Variants in ZNF827 observed in about 807,000 individuals in gnomAD.
The protein encoded by ZNF827 is zinc finger protein 827.
A neutral mutation model predicts 102.4 loss-of-function variants in ZNF827; 13 were observed. The observed-to-expected ratio is 0.13, with a 90% CI of 0.08 to 0.20. ZNF827 has a LOEUF of 0.20. Ranked by LOEUF, ZNF827 falls within the 10% of genes least tolerant of loss-of-function variation. ZNF827 has a pLI of 1.00. For synonymous variants in ZNF827, 523 were observed against 536.2 expected (o/e 0.98, Z 0.34); for missense variants, 1,103 against 1,344.4 (o/e 0.82, Z 2.81).
intron 7 of ZNF827, among the ~76,000 whole-genome samples, chr4:145,839,833 G>A (rs778718057): frequency 9.9e-5 from 15 of 152,222 alleles, no homozygotes; most frequent in Non-Finnish European, 1.5e-4. Context: ...TTGCAAGCCA[G>A]TAGAAATAAA....
intron 4 of ZNF827, 172 bp from the exon 5 acceptor site, chr4:145,870,650 T>G (rs1748605365): frequency 5.1e-6 from 3 of 590,318 alleles, no homozygotes; most frequent in Non-Finnish European, 9.0e-6. Flanking sequence ...ATACACTCCA[T>G]GGGCCTACAA....
intron 3 of ZNF827, among the ~76,000 whole-genome samples, chr4:145,889,183 A>G (rs1750385605): frequency 6.6e-6 from 1 of 152,214 alleles, no homozygotes; most frequent in African/African-American, 2.4e-5. Flanking sequence ...ACAAAAAGGG[A>G]AAAGGAATAA....
intron 1 of ZNF827, among the ~76,000 whole-genome samples, chr4:145,925,040 C>T (rs1753329035): frequency 6.6e-6 from 1 of 152,100 alleles, no homozygotes; most frequent in Non-Finnish European, 1.5e-5. Context: ...CAGTGGAAGG[C>T]AAAGGAGGAG....
At chr4:145,806,688 T>A (rs1257212698) in intron 8 of ZNF827, among the ~76,000 whole-genome samples, 1 of 152,200 alleles carries the variant, frequency 6.6e-6, no homozygotes, top group Admixed American at 6.5e-5. Flanking sequence ...AACTCCTTTG[T>A]TAGGAAATTA....
intron 6 of ZNF827, among the ~76,000 whole-genome samples, chr4:145,846,924 C>A (rs1167662880): frequency 1.3e-5 from 2 of 148,338 alleles, no homozygotes; most frequent in Non-Finnish European, 3.0e-5. Flanking sequence ...GAGGCCGAGG[C>A]AGGTGGATCA....
chr4:145,809,455 TA>T (rs146006072), intron 8 of ZNF827, among the ~76,000 whole-genome samples: 1,911 of 152,274 alleles, frequency 0.013, 51 homozygotes, highest in African/African-American at 0.042. Flanking sequence ...AGTCCCTCCC[TA>T]AAACTAATGC....
intron 8 of ZNF827, among the ~76,000 whole-genome samples, chr4:145,787,205 C>T (rs903073492): frequency 6.6e-6 from 1 of 152,212 alleles, no homozygotes; most frequent in Non-Finnish European, 1.5e-5. Context: ...TGGCTCAGGC[C>T]TGTAATCCCG....
intron 4 of ZNF827, among the ~76,000 whole-genome samples, chr4:145,878,905 G>T (rs924444506): frequency 1.3e-5 from 2 of 152,100 alleles, no homozygotes; most frequent in African/African-American, 4.8e-5. Flanking sequence ...AAAGGCATCA[G>T]GGAGGGAGCT....
intron 1 of ZNF827, among the ~76,000 whole-genome samples, chr4:145,929,913 G>A (rs1451101759): frequency 6.6e-6 from 1 of 152,198 alleles, no homozygotes; most frequent in East Asian, 1.9e-4. Flanking sequence ...GTAAAGTGGA[G>A]GACAGGGAAG....
At chr4:145,881,918 C>T (rs1285506314) in intron 4 of ZNF827, among the ~76,000 whole-genome samples, 2 of 152,216 alleles carry the variant, frequency 1.3e-5, no homozygotes, top group East Asian at 1.9e-4. Context: ...TGGTCCTCAG[C>T]CCTGGCTGCA....
intron 5 of ZNF827, among the ~76,000 whole-genome samples, chr4:145,852,148 G>C (rs1746597705): frequency 6.6e-6 from 1 of 152,172 alleles, no homozygotes; most frequent in Non-Finnish European, 1.5e-5. Context: ...CAAATACAAA[G>C]GGATTCACTT....
At chr4:145,851,793 A>C (rs1746561356) in intron 5 of ZNF827, among the ~76,000 whole-genome samples, 1 of 152,204 alleles carries the variant, frequency 6.6e-6, no homozygotes, top group South Asian at 2.1e-4. Context: ...TCATGATAAA[A>C]AAATTTTTTT....
chr4:145,926,544 T>C (rs1753438962), intron 1 of ZNF827, among the ~76,000 whole-genome samples: 1 of 152,228 alleles, frequency 6.6e-6, no homozygotes, highest in African/African-American at 2.4e-5. Flanking sequence ...TAGCCAACTA[T>C]GCTGAAATGT....
At chr4:145,814,895 C>G (rs181595807) in intron 8 of ZNF827, among the ~76,000 whole-genome samples, 2 of 151,862 alleles carry the variant, frequency 1.3e-5, no homozygotes, top group Non-Finnish European at 2.9e-5. Context: ...CAGCTGAGAT[C>G]GTGCCACTGC....
rs1345801055 is a variant in ZNF827 at position 145,869,819 on chromosome 4, T to C, written c.1981+426A>G. Among the ~76,000 whole-genome samples, 4 of 152,200 alleles carry C rather than the reference T, an allele frequency of 2.6e-5. No homozygotes were observed. The East Asian group carries it at 7.7e-4, about 29-fold the overall frequency. On this transcript the variant is annotated intron_variant, in intron 5 of 14. Transcript: ENST00000508784. ...TTACTTCAAGTGCCATCTCAAATGC[T>C]TATGAAGTTAAGAAAAATATTTGTA... is the stretch of plus-strand genomic sequence containing the variant.
chr4:145,862,379 GTT>G (rs1036556456), intron 5 of ZNF827, among the ~76,000 whole-genome samples: 2 of 152,166 alleles, frequency 1.3e-5, no homozygotes, highest in African/African-American at 4.8e-5. Flanking sequence ...GTAATATGTT[GTT>G]TTTACCTTAT....
chr4:145,855,244 G>A (rs1746954946), intron 5 of ZNF827, among the ~76,000 whole-genome samples: 1 of 151,736 alleles, frequency 6.6e-6, no homozygotes, highest in Admixed American at 6.6e-5. Flanking sequence ...AAGCTTAAAA[G>A]AGCCTCTAAA....
At chr4:145,838,529 A>G (rs530726880) in intron 7 of ZNF827, among the ~76,000 whole-genome samples, 5 of 152,230 alleles carry the variant, frequency 3.3e-5, no homozygotes, top group Non-Finnish European at 7.3e-5. Context: ...ACCATTGTTT[A>G]TATTAACAAT....
chr4:145,829,367 A>G (rs1335225344), intron 7 of ZNF827, among the ~76,000 whole-genome samples: 1 of 152,242 alleles, frequency 6.6e-6, no homozygotes, highest in Non-Finnish European at 1.5e-5. Flanking sequence ...CTATCTGCAC[A>G]GAGACAAATT....
Sources: allele counts gnomAD v4.1 joint callset (sites outside exome capture counted in the v4.1 genomes callset), GRCh38; gene constraint gnomAD v4.1.1; transcripts MANE v1.5; gene names NCBI Gene and HGNC (gene_info 2026-07-23, HGNC 2026-07-21).